ST6GALNAC3: variants seen among roughly 807,000 people sequenced by gnomAD.
ST6GALNAC3 encodes the protein alpha-N-acetylgalactosaminide alpha-2,6-sialyltransferase 3.
A neutral mutation model predicts 32.7 loss-of-function variants in ST6GALNAC3; 25 were observed. The observed-to-expected ratio is 0.76, with a 90% CI of 0.56 to 1.07. The LOEUF is 1.07. Among genes scored for constraint, ST6GALNAC3 ranks in the 50% least tolerant of loss-of-function variants. The probability of loss-of-function intolerance (pLI) is 0.00; values close to 1 mark genes in which losing one functional copy is unlikely to be tolerated. For synonymous variants in ST6GALNAC3, 129 were observed against 133.1 expected (o/e 0.97, Z 0.21); for missense variants, 355 against 382.4 (o/e 0.93, Z 0.60).
intron 3 of ST6GALNAC3, among the ~76,000 whole-genome samples, chr1:76,481,056 T>C (rs140220671): frequency 4.9e-4 from 75 of 152,280 alleles, no homozygotes; most frequent in African/African-American, 1.7e-3. Context: ...TGTGTATCTA[T>C]TGAAAATCTC....
intron 3 of ST6GALNAC3, among the ~76,000 whole-genome samples, chr1:76,437,464 A>T (rs1177150576): frequency 6.6e-6 from 1 of 151,426 alleles, no homozygotes. Flanking sequence ...TCCAAGGTAA[A>T]TTTGCTTTCT....
chr1:76,113,993 T>A (rs886567447), intron 1 of ST6GALNAC3, among the ~76,000 whole-genome samples: 4 of 139,376 alleles, frequency 2.9e-5, no homozygotes, highest in African/African-American at 1.1e-4. Flanking sequence ...CCCGGCTAAT[T>A]TTTTTTTTTT....
chr1:76,243,569 G>GT (rs1448385656), intron 1 of ST6GALNAC3, among the ~76,000 whole-genome samples: 1 of 152,098 alleles, frequency 6.6e-6, no homozygotes, highest in Non-Finnish European at 1.5e-5. Context: ...TTTCTTCTAG[G>GT]TTTTTTATGG....
intron 1 of ST6GALNAC3, among the ~76,000 whole-genome samples, chr1:76,098,677 A>G (rs149424055): frequency 1.9e-4 from 29 of 152,200 alleles, no homozygotes; most frequent in South Asian, 1.7e-3. Context: ...GCATTAATAT[A>G]TATTTTCCAA....
intron 3 of ST6GALNAC3, among the ~76,000 whole-genome samples, chr1:76,445,636 A>G (rs1049947411): frequency 2.0e-5 from 3 of 152,148 alleles, no homozygotes; most frequent in East Asian, 1.9e-4. Context: ...TTTATTTTGC[A>G]TGCATATATT....
At chr1:76,364,403 G>T (rs1237185806) in intron 2 of ST6GALNAC3, among the ~76,000 whole-genome samples, 1 of 151,832 alleles carries the variant, frequency 6.6e-6, no homozygotes, top group Admixed American at 6.6e-5. Context: ...AAATACAAAA[G>T]TTAGCAGGGT....
intron 3 of ST6GALNAC3, among the ~76,000 whole-genome samples, chr1:76,622,958 T>C (rs896210163): frequency 1.3e-5 from 2 of 151,734 alleles, no homozygotes; most frequent in Admixed American, 6.6e-5. Context: ...TTTCCAGAAA[T>C]GAGAAGAGGA....
At position 76,629,500 on chromosome 1, in the gene ST6GALNAC3, TC is replaced by T; in HGVS notation, c.*696del. On this transcript the variant is annotated 3_prime_UTR_variant, in exon 5 of 5. Transcript: ENST00000328299. Reference sequence around the variant, plus strand: ...TCTTGATGAATTTCCACTCTTACCATCCATTCTTACTACCAACAGTATAACT... The same window carrying T: ...TCTTGATGAATTTCCACTCTTACCATCATTCTTACTACCAACAGTATAACT... 1.0e-6 allele frequency: 1 copy of T among 985,146 alleles called. No homozygotes were observed. The highest frequency in any genetic ancestry group is 1.7e-5 in the African/African-American group (1 of 57,290). The allele number at this position is 985,146 out of a possible 1,614,324, so 61.0% of individuals were successfully genotyped here.
intron 2 of ST6GALNAC3, among the ~76,000 whole-genome samples, chr1:76,379,217 G>C (rs576422234): frequency 6.6e-6 from 1 of 152,158 alleles, no homozygotes; most frequent in Non-Finnish European, 1.5e-5. Context: ...ATATTTCCTA[G>C]TTTCTCTTCC....
chr1:76,451,771 T>A (rs775028433), intron 3 of ST6GALNAC3, among the ~76,000 whole-genome samples: 15 of 152,212 alleles, frequency 9.9e-5, no homozygotes, highest in Admixed American at 2.0e-4. Flanking sequence ...TAATTTTGCA[T>A]CCTGAAGCTT....
In ST6GALNAC3 at chr1:76,259,125, G is replaced by A. The variant is rs116202803; in HGVS notation, c.19-54680G>A. ...TCTGAAAGAATACAGAATCATGACA[G>A]CTGAAATGGTCATGGTTTCTTTTAG... On this transcript the variant is annotated intron_variant, in intron 1 of 4. Coordinates refer to ENST00000328299, the MANE Select transcript of ST6GALNAC3 (RefSeq NM_152996.4). Among the ~76,000 whole-genome samples the A allele has an allele frequency of 4.3e-3, 661 of 152,222 alleles. 8 individuals are homozygous for A. The highest frequency in any genetic ancestry group is 0.015 in the African/African-American group (640 of 41,542).
At chr1:76,143,047 C>A (rs1650432833) in intron 1 of ST6GALNAC3, among the ~76,000 whole-genome samples, 1 of 152,142 alleles carries the variant, frequency 6.6e-6, no homozygotes, top group Non-Finnish European at 1.5e-5. Context: ...CCTGAGACAG[C>A]AACATAGTGA....
chr1:76,428,768 T>C (rs1655560133), intron 3 of ST6GALNAC3, among the ~76,000 whole-genome samples: 1 of 152,198 alleles, frequency 6.6e-6, no homozygotes, highest in African/African-American at 2.4e-5. Flanking sequence ...CATTAGTTTA[T>C]CTTTACATAA....
intron 3 of ST6GALNAC3, among the ~76,000 whole-genome samples, chr1:76,589,056 T>C (rs1243317203): frequency 7.3e-6 from 1 of 136,552 alleles, no homozygotes; most frequent in African/African-American, 2.7e-5. Flanking sequence ...GTGATTTGAA[T>C]CTATTCTGCT....
At chr1:76,212,683 A>G (rs916529030) in intron 1 of ST6GALNAC3, among the ~76,000 whole-genome samples, 1 of 152,148 alleles carries the variant, frequency 6.6e-6, no homozygotes, top group East Asian at 1.9e-4. Context: ...CCGCTAGAAA[A>G]GAGGGTTTTT....
At chr1:76,490,856 CT>C (rs1298714396) in intron 3 of ST6GALNAC3, among the ~76,000 whole-genome samples, 2 of 133,980 alleles carry the variant, frequency 1.5e-5, no homozygotes, top group African/African-American at 3.6e-5. Flanking sequence ...TTCTTTTTTT[CT>C]TTTTTTTTGT....
chr1:76,527,521 T>C (rs1662987117), intron 3 of ST6GALNAC3, among the ~76,000 whole-genome samples: 1 of 152,092 alleles, frequency 6.6e-6, no homozygotes, highest in Admixed American at 6.6e-5. Context: ...AAAGATTTAC[T>C]TTTTTAGACA....
intron 3 of ST6GALNAC3, among the ~76,000 whole-genome samples, chr1:76,441,335 C>A (rs1485966527): frequency 6.6e-6 from 1 of 151,942 alleles, no homozygotes; most frequent in Non-Finnish European, 1.5e-5. Context: ...TCCTATGAGG[C>A]AGGTATAATT....
At chr1:76,110,903 A>C (rs1403378857) in intron 1 of ST6GALNAC3, among the ~76,000 whole-genome samples, 1 of 152,192 alleles carries the variant, frequency 6.6e-6, no homozygotes, top group African/African-American at 2.4e-5. Context: ...GAGATGATTA[A>C]TCTTTTGTAC....
Sources: gnomAD v4.1 joint callset for allele counts (sites outside exome capture counted in the v4.1 genomes callset) on GRCh38, gnomAD v4.1.1 for gene constraint, MANE v1.5 for transcripts, NCBI Gene and HGNC (gene_info 2026-07-23, HGNC 2026-07-21) for gene names.